Variants in DGLUCY observed in about 807,000 individuals in gnomAD.
DGLUCY encodes the protein D-glutamate cyclase.
A neutral mutation model predicts 58.5 loss-of-function variants in DGLUCY; 58 were observed. The observed-to-expected ratio is 0.99, with a 90% CI of 0.80 to 1.23. The LOEUF is 1.23. DGLUCY is among the 50% of genes most tolerant of loss of function. The pLI, the probability that DGLUCY is intolerant of heterozygous loss-of-function variation, is 0.00. For synonymous variants in DGLUCY, 325 were observed against 314.1 expected, an observed-to-expected ratio of 1.03 and a Z score of -0.37; for missense variants, 779 against 784.7, an observed-to-expected ratio of 0.99 and a Z score of 0.09.
chr14:91,172,315 G>C (rs923996727), intron 5 of DGLUCY, among the ~76,000 whole-genome samples: 10 of 152,314 alleles, frequency 6.6e-5, no homozygotes, highest in East Asian at 1.9e-4. Flanking sequence ...CTGGGCTCAA[G>C]CGATCCAACC....
At chr14:91,075,000 AG>A (rs2043995903) in intron 1 of DGLUCY, among the ~76,000 whole-genome samples, 1 of 149,924 alleles carries the variant, frequency 6.7e-6, no homozygotes, top group African/African-American at 2.5e-5. Context: ...TGAACCCAGG[AG>A]GTGGAAGTTG....
intron 7 of DGLUCY, among the ~76,000 whole-genome samples, chr14:91,179,444 A>G (rs139489296): frequency 1.3e-5 from 2 of 150,848 alleles, no homozygotes; most frequent in African/African-American, 4.9e-5. Flanking sequence ...GCAAGGCCTT[A>G]TCTCTTTAAA....
At chr14:91,132,493 T>TG (rs2046078485) in intron 1 of DGLUCY, among the ~76,000 whole-genome samples, 2 of 149,160 alleles carry the variant, frequency 1.3e-5, no homozygotes. Flanking sequence ...TTTTTTTTTT[T>TG]CTTGAGACAC....
intron 1 of DGLUCY, among the ~76,000 whole-genome samples, chr14:91,155,945 C>T (rs1318533554): frequency 6.6e-6 from 1 of 152,162 alleles, no homozygotes; most frequent in African/African-American, 2.4e-5. Flanking sequence ...CTCCCACTTT[C>T]CCCTCTGAGG....
Position 91,188,920 on chromosome 14 carries a change from GA to G in DGLUCY, c.946del (p.Ile316LeufsTer11). The G allele has an allele frequency of 6.2e-7, 1 of 1,613,238 alleles. No homozygotes were observed. On this transcript the variant is annotated frameshift_variant, in exon 9 of 14. Coordinates refer to ENST00000256324, the MANE Select transcript of DGLUCY (RefSeq NM_001102368.3). LOFTEE classifies it high-confidence loss of function. ...TTTTTGTCATTTCAGGGAACCGGGG[GA>G]TTGGGCACCTGCTCTGTAAAGATGA... ...MIGIDPGNRGIGHLLCKDELL... is the reference protein window; with the variant it reads ...MIGIDPGNRGXGHLLCKDELL...
intron 4 of DGLUCY, among the ~76,000 whole-genome samples, chr14:91,169,599 G>A (rs746364216): frequency 1.1e-4 from 16 of 151,716 alleles, no homozygotes; most frequent in Non-Finnish European, 1.8e-4. Context: ...TAGTATAGAC[G>A]GGGTTTCACC....
In DGLUCY at chr14:91,127,053, C is replaced by CTTTTTT. The variant is rs11407228; in HGVS notation, c.-82+12786_-82+12791dup. On this transcript the variant is annotated intron_variant, in intron 1 of 13. Transcript: ENST00000256324. Reference sequence around the variant, plus strand: ...TTCTCAGTCAGGCCTTGATGATACTCTTTTTTTTTTTTTTTTTTTTTGAGA... The same window carrying CTTTTTT: ...TTCTCAGTCAGGCCTTGATGATACTCTTTTTTTTTTTTTTTTTTTTTTTTTTTGAGA... Among the ~76,000 whole-genome samples the CTTTTTT allele has an allele frequency of 2.4e-3, 238 of 98,314 alleles. 2 individuals are homozygous for CTTTTTT. The highest frequency in any genetic ancestry group is 3.7e-3 in the Non-Finnish European group (194 of 52,782). 64.5% of individuals were successfully genotyped at this position (98,314 alleles called of 152,430 possible).
At chr14:91,080,445 A>G (rs1463166736) in intron 1 of DGLUCY, among the ~76,000 whole-genome samples, 1 of 152,152 alleles carries the variant, frequency 6.6e-6, no homozygotes, top group Non-Finnish European at 1.5e-5. Flanking sequence ...ATCTCAGCTC[A>G]CTGCAACTTC....
chr14:91,207,161 G>GAAAA (rs56355078), intron 12 of DGLUCY, among the ~76,000 whole-genome samples: 10 of 85,334 alleles, frequency 1.2e-4, no homozygotes, highest in South Asian at 6.1e-4. Flanking sequence ...ACTGTCTCAG[G>GAAAA]AAAAAAAAAA....
At chr14:91,080,943 C>T (rs1443085502) in intron 1 of DGLUCY, among the ~76,000 whole-genome samples, 1 of 152,196 alleles carries the variant, frequency 6.6e-6, no homozygotes, top group Non-Finnish European at 1.5e-5. Context: ...GTGGCTCACA[C>T]CTGTAATCCC....
chr14:91,149,657 G>A (rs769998696), intron 1 of DGLUCY, among the ~76,000 whole-genome samples: 38 of 152,218 alleles, frequency 2.5e-4, no homozygotes, highest in African/African-American at 7.5e-4. Flanking sequence ...TGATGGACCC[G>A]TTGCAGAAAC....
chr14:91,121,985 A>G (rs1343041857), intron 1 of DGLUCY, among the ~76,000 whole-genome samples: 1 of 152,188 alleles, frequency 6.6e-6, no homozygotes, highest in Non-Finnish European at 1.5e-5. Flanking sequence ...CGTTTTGAGC[A>G]CTGGGAGATG....
intron 8 of DGLUCY, among the ~76,000 whole-genome samples, chr14:91,181,786 A>G (rs1211268302): frequency 1.3e-5 from 2 of 150,006 alleles, no homozygotes; most frequent in Admixed American, 6.7e-5. Flanking sequence ...AGCTGGGATT[A>G]CAGGCACGCT....
intron 1 of DGLUCY, among the ~76,000 whole-genome samples, chr14:91,147,491 A>G (rs2047073228): frequency 1.3e-5 from 2 of 152,174 alleles, no homozygotes; most frequent in Non-Finnish European, 2.9e-5. Flanking sequence ...CTTTGAAACA[A>G]GTGCTGGAAC....
At position 91,063,003 on chromosome 14, in the gene DGLUCY, A is replaced by G. The variant is rs529004306; in HGVS notation, c.-82+2299A>G. On this transcript the variant is annotated intron_variant, in intron 1 of 4. Coordinates refer to the DGLUCY transcript ENST00000521334. ...TATAGAGCCTACAGTCTAGCAACAG[A>G]TATAAATATTAATCACATAAAGAAA... Among the ~76,000 whole-genome samples, 4 of 152,206 alleles carry G rather than the reference A, an allele frequency of 2.6e-5. No homozygotes were observed. In the South Asian group the frequency reaches 8.3e-4, roughly 31 times the overall value.
chr14:91,126,555 GA>G, intron 1 of DGLUCY: 1 of 218,974 alleles, frequency 4.6e-6, no homozygotes, highest in Non-Finnish European at 9.8e-6. Context: ...CCTACACATT[GA>G]AAAAACAAAA....
chr14:91,213,925 C>T (rs1342182359), intron 12 of DGLUCY, among the ~76,000 whole-genome samples: 1 of 152,140 alleles, frequency 6.6e-6, no homozygotes, highest in African/African-American at 2.4e-5. Context: ...GTCTCGAACT[C>T]CTAACCTCAG....
At chr14:91,203,682 T>G (rs796366044) in intron 11 of DGLUCY, among the ~76,000 whole-genome samples, 43,331 of 148,304 alleles carry the variant, frequency 0.29, 6,691 homozygotes, top group African/African-American at 0.41. Context: ...TGTGTGTTTT[T>G]TTTTTTTTTT....
rs778679270 is a variant in DGLUCY, at chr14:91,176,028, G to T, written c.702G>T (p.Leu234=). 1.9e-6 allele frequency: 3 copies of T among 1,614,026 alleles called. No homozygotes were observed. The highest frequency in any genetic ancestry group is 3.3e-4 in the Middle Eastern group (2 of 6,062). Residue 234 remains leucine, a synonymous_variant, in exon 7 of 14, where the codon CTG becomes CTT. Transcript: ENST00000256324. ...TTCCAGTGTTCTGGCCTTCTCCGCT[G>T]ACCAGTCTCGGAGCTGTCAGCAGCT... The part of the protein sequence containing the change: ...GEVPVFWPSP[L]TSLGAVSSCE...
Sources: allele counts gnomAD v4.1 joint callset (sites outside exome capture counted in the v4.1 genomes callset), GRCh38; gene constraint gnomAD v4.1.1; transcripts MANE v1.5; gene names NCBI Gene and HGNC (gene_info 2026-07-23, HGNC 2026-07-21).